KLRF2: variants seen among roughly 807,000 people sequenced by gnomAD.
KLRF2 encodes killer cell lectin-like receptor subfamily F member 2.
A neutral mutation model predicts 25.3 loss-of-function variants in KLRF2; 28 were observed. The ratio of observed to expected loss-of-function variants is 1.11; its 90% confidence interval spans 0.82 to 1.52. KLRF2 has a LOEUF of 1.52. Ranked by LOEUF, KLRF2 falls within the 40% of genes most tolerant of loss-of-function variation. The pLI, the probability that KLRF2 is intolerant of heterozygous loss-of-function variation, is 0.00. For synonymous variants in KLRF2, 73 were observed against 85.0 expected (o/e 0.86, Z 0.78); for missense variants, 265 against 245.8 (o/e 1.08, Z -0.52).
chr12:9,888,980 C>A (rs1052448237), intron 3 of KLRF2, among the ~76,000 whole-genome samples, 200 bp downstream of exon 3: 3 of 151,910 alleles, frequency 2.0e-5, no homozygotes, highest in Non-Finnish European at 2.9e-5. Flanking sequence ...GTGGTGATTT[C>A]TAGGAGGAAA....
At chr12:9,892,918 G>A (rs2137003775) in intron 3 of KLRF2, 102 bp from the exon 4 acceptor site, 1 of 916,810 alleles carries the variant, frequency 1.1e-6, no homozygotes. Context: ...AAAAAAAAAT[G>A]AGTTGGAAAA....
At chr12:9,886,544 T>G (rs1272927062) in intron 2 of KLRF2, among the ~76,000 whole-genome samples, 1 of 152,080 alleles carries the variant, frequency 6.6e-6, no homozygotes, top group Non-Finnish European at 1.5e-5. Flanking sequence ...AGGGCTCCAT[T>G]TCAGAGAGGA....
chr12:9,893,300 T>C, intron 4 of KLRF2, 129 bp from the exon 5 acceptor site: 3 of 898,020 alleles, frequency 3.3e-6, no homozygotes, highest in Admixed American at 2.9e-5. Flanking sequence ...GTCACTATTG[T>C]TCATGAAAAA....
At chr12:9,886,781 A>AAG (rs1208094836) in intron 2 of KLRF2, among the ~76,000 whole-genome samples, 33 of 145,168 alleles carry the variant, frequency 2.3e-4, no homozygotes, top group East Asian at 1.6e-3. Flanking sequence ...AAAAAAAAAA[A>AAG]AGAGAGAAGA....
intron 1 of KLRF2, among the ~76,000 whole-genome samples, chr12:9,882,581 C>T (rs928393074): frequency 6.6e-6 from 1 of 152,054 alleles, no homozygotes. Flanking sequence ...AATTCGAGAC[C>T]AGCCTGGCCA....
At chr12:9,887,465 T>C (rs1862611681) in intron 2 of KLRF2, among the ~76,000 whole-genome samples, 1 of 152,230 alleles carries the variant, frequency 6.6e-6, no homozygotes, top group African/African-American at 2.4e-5. Context: ...ATCTTGATTT[T>C]AACTTAGATT....
chr12:9,891,571 A>T (rs970577578), intron 3 of KLRF2, among the ~76,000 whole-genome samples: 9 of 152,200 alleles, frequency 5.9e-5, no homozygotes, highest in Non-Finnish European at 8.8e-5. Context: ...CTCTCAAATC[A>T]TAACTTGGGA....
Position 9,895,710 on chromosome 12 carries a change from T to C in KLRF2, c.501T>C (p.Thr167=), listed in dbSNP as rs1252576500. 14 of 1,534,268 alleles carry C rather than the reference T, an allele frequency of 9.1e-6. No individual in the cohort carries two copies. Among genetic ancestry groups the C allele is most frequent in the African/African-American group, 1.4e-5 (1 of 72,886 alleles). The part of the protein sequence containing the change: ...VPELFSVIGP[T]DDRSCAVITG... The stretch of plus-strand genomic sequence containing the variant: ...TTAGGTTTTCAGTGATTGGACCAAC[T>C]GATGACAGGAGCTGTGCCGTTATCA... Residue 167 remains threonine (T), a synonymous_variant, in exon 6 of 6, where the codon ACT becomes ACC. Coordinates refer to ENST00000535540, the MANE Select transcript of KLRF2 (RefSeq NM_001190765.1).
In KLRF2 at chr12:9,888,508, A is replaced by G. The variant is rs149847750; in HGVS notation, c.170-225A>G. On this transcript the variant is annotated intron_variant, in intron 2 of 5. Transcript: ENST00000535540. ...CTGTCTCAAAAAAAAAATAAAAATA[A>G]TAAAAATTAAAAAATAGAATTGTGA... Among the ~76,000 whole-genome samples, 145 of 152,138 alleles carry G rather than the reference A, an allele frequency of 9.5e-4. 1 individual carries two copies. The highest frequency in any genetic ancestry group is 7.0e-3 in the Admixed American group (107 of 15,274).
chr12:9,889,811 C>T (rs1862652791), intron 3 of KLRF2, among the ~76,000 whole-genome samples: 1 of 151,942 alleles, frequency 6.6e-6, no homozygotes, highest in Non-Finnish European at 1.5e-5. Flanking sequence ...ACTAAGCTAA[C>T]AGAGTTAGAG....
At position 9,881,865 on chromosome 12, in the gene KLRF2, GA is replaced by G. The variant is rs1195651629; in HGVS notation, c.70+203del. Among the ~76,000 whole-genome samples the G allele has an allele frequency of 2.0e-5, 3 of 152,280 alleles. No homozygotes were observed. In the South Asian group the frequency reaches 6.2e-4, roughly 32 times the overall value. On this transcript the variant is annotated intron_variant, in intron 1 of 5. Transcript: ENST00000535540. ...GCATTTTCAGAGCCATGAGGTAAGA[GA>G]AATGCGAATATGACGATGTGTAATC...
rs867638266 is a variant in KLRF2 at position 9,888,867 on chromosome 12, C to T, written c.217+87C>T. The T allele has an allele frequency of 1.2e-4, 91 of 732,894 alleles. No individual in the cohort carries two copies. The Middle Eastern group carries it at 2.6e-3, about 21-fold the overall frequency. 45.4% of individuals were successfully genotyped at this position (732,894 alleles called of 1,614,324 possible). A position where few individuals can be genotyped will look rare whatever the true frequency, so the allele number is the denominator to read the frequency against. On this transcript the variant is annotated intron_variant, in intron 3 of 5. Transcript: ENST00000535540. The stretch of plus-strand genomic sequence containing the variant: ...CTTCCTGGCGTTCACCCATGTTACA[C>T]AGTAAGCCAACAGCACTGGTGGAGA...
At chr12:9,890,153 A>G (rs1410230341) in intron 3 of KLRF2, among the ~76,000 whole-genome samples, 1 of 152,216 alleles carries the variant, frequency 6.6e-6, no homozygotes, top group Non-Finnish European at 1.5e-5. Context: ...AAATACTTCA[A>G]TATGTGAATC....
intron 3 of KLRF2, among the ~76,000 whole-genome samples, chr12:9,889,238 C>T (rs1224723657): frequency 6.6e-6 from 1 of 152,154 alleles, no homozygotes; most frequent in Non-Finnish European, 1.5e-5. Flanking sequence ...ATAATAATAA[C>T]TGTGTCACAG....
intron 2 of KLRF2, among the ~76,000 whole-genome samples, chr12:9,885,842 A>C (rs569842099): frequency 6.0e-4 from 91 of 152,234 alleles, no homozygotes; most frequent in African/African-American, 2.1e-3. Flanking sequence ...ATTCAATGTT[A>C]AACGACTATT....
At chr12:9,889,094 A>G (rs1376985256) in intron 3 of KLRF2, among the ~76,000 whole-genome samples, 2 of 152,222 alleles carry the variant, frequency 1.3e-5, no homozygotes. Context: ...TGTGACATGT[A>G]ATGGCTGCAG....
intron 3 of KLRF2, among the ~76,000 whole-genome samples, chr12:9,889,714 G>A (rs1461842556): frequency 6.6e-6 from 1 of 151,564 alleles, no homozygotes; most frequent in Non-Finnish European, 1.5e-5. Flanking sequence ...ATATGTAAAT[G>A]CCATTGGTTG....
chr12:9,892,549 G>C (rs906570476), intron 3 of KLRF2, among the ~76,000 whole-genome samples: 19 of 146,804 alleles, frequency 1.3e-4, no homozygotes, highest in African/African-American at 4.7e-4. Context: ...AAATACACAG[G>C]TTAGTAAATT....
At chr12:9,886,217 G>A (rs879395323) in intron 2 of KLRF2, among the ~76,000 whole-genome samples, 3 of 151,974 alleles carry the variant, frequency 2.0e-5, no homozygotes, top group African/African-American at 4.8e-5. Flanking sequence ...TACAATATGT[G>A]TGTTTCTATA....
Sources: gnomAD v4.1 joint callset for allele counts (sites outside exome capture counted in the v4.1 genomes callset) on GRCh38, gnomAD v4.1.1 for gene constraint, MANE v1.5 for transcripts, NCBI Gene and HGNC (gene_info 2026-07-23, HGNC 2026-07-21) for gene names.